PCDHGB1: variants seen among roughly 807,000 people sequenced by gnomAD.
The protein encoded by PCDHGB1 is protocadherin gamma-B1.
In PCDHGB1, 34 loss-of-function variants were observed where a neutral mutation model predicts 56.6. That is an observed-to-expected ratio of 0.60 (90% CI 0.46 to 0.80). PCDHGB1 has a LOEUF of 0.80. Ranked by LOEUF, PCDHGB1 falls within the 30% of genes least tolerant of loss-of-function variation. PCDHGB1 has a pLI of 0.00. For synonymous variants in PCDHGB1, 561 were observed against 505.9 expected (o/e 1.11, Z -1.46); for missense variants, 1,278 against 1,204.6 (o/e 1.06, Z -0.90).
rs765818637 is a variant in PCDHGB1 at position 141,409,918 on chromosome 5, C to T, written c.2409+57249C>T. ...ACCCAGCTCTGGGTCCTGACGGCTC[C>T]GCGTTCTTCGATATGGTACCTCGCT... On this transcript the variant is annotated intron_variant, in intron 1 of 3. Coordinates refer to ENST00000523390, the MANE Select transcript of PCDHGB1 (RefSeq NM_018922.3). 1.9e-6 allele frequency: 3 copies of T among 1,613,222 alleles called. No individual in the cohort carries two copies. In the African/African-American group the frequency reaches 4.0e-5, roughly 22 times the overall value.
At chr5:141,397,267 A>G (rs1411112086) in intron 1 of PCDHGB1, among the ~76,000 whole-genome samples, 1 of 152,230 alleles carries the variant, frequency 6.6e-6, no homozygotes, top group East Asian at 1.9e-4. Flanking sequence ...TCTTAGCTAC[A>G]TCATATGGGC....
intron 1 of PCDHGB1, chr5:141,423,971 G>T: frequency 8.8e-7 from 1 of 1,136,014 alleles, no homozygotes; most frequent in Non-Finnish European, 1.1e-6. Context: ...TCTATTATCA[G>T]TGTATGAGGC....
At chr5:141,419,586 A>T (rs1440548961) in intron 1 of PCDHGB1, 1 of 1,611,696 alleles carries the variant, frequency 6.2e-7, no homozygotes, top group Non-Finnish European at 8.5e-7. Context: ...GCGCTCTTCG[A>T]CACAGTGCCG....
chr5:141,450,280 T>C (rs1374970772), intron 1 of PCDHGB1, among the ~76,000 whole-genome samples: 2 of 152,166 alleles, frequency 1.3e-5, no homozygotes, highest in African/African-American at 4.8e-5. Context: ...AGCTAAGTGC[T>C]GGGATTACAG....
At chr5:141,403,365 T>C in intron 1 of PCDHGB1, 1 of 1,614,024 alleles carries the variant, frequency 6.2e-7, no homozygotes, top group Non-Finnish European at 8.5e-7. Flanking sequence ...GCCGAAAGTC[T>C]GGAAGTAAAA....
rs774071540 is a variant in PCDHGB1, at chr5:141,511,042, G to A, written c.2653G>A (p.Asp885Asn). 8 of 1,614,064 alleles carry A rather than the reference G, an allele frequency of 5.0e-6. No homozygotes were observed. Among genetic ancestry groups the A allele is most frequent in the Non-Finnish European group, 6.8e-6 (8 of 1,180,016 alleles). Residue 885 changes from aspartate to asparagine, a missense_variant, in exon 4 of 4, where the codon GAC becomes AAC. Physicochemically the swap from Asp to Asn is conservative, Grantham distance 23. Coordinates refer to ENST00000523390, the MANE Select transcript of PCDHGB1 (RefSeq NM_018922.3). Reference sequence around the variant, plus strand: ...CCAGTTCACCCTGCAGCACGTGCCCGACTACCGCCAGAATGTCTACATCCC... The same window carrying A: ...CCAGTTCACCCTGCAGCACGTGCCCAACTACCGCCAGAATGTCTACATCCC... ...GPQFTLQHVPDYRQNVYIPGS... is the reference protein window; with the variant it reads ...GPQFTLQHVPNYRQNVYIPGS...
chr5:141,420,147 C>T lies in PCDHGB1; in HGVS notation c.2409+67478C>T, dbSNP rs1480828845. On this transcript the variant is annotated intron_variant, in intron 1 of 3. Transcript: ENST00000523390. Reference sequence around the variant, plus strand: ...TGTGTGCCTGGGGATCAAATGAATCCAGAATTTAATTTTTTCACATCTGTT... The same window carrying T: ...TGTGTGCCTGGGGATCAAATGAATCTAGAATTTAATTTTTTCACATCTGTT... The T allele has an allele frequency of 2.5e-6, 4 of 1,613,848 alleles. No individual in the cohort carries two copies. The East Asian group carries it at 8.9e-5, about 36-fold the overall frequency.
intron 1 of PCDHGB1, chr5:141,421,426 A>T: frequency 1.2e-6 from 2 of 1,614,104 alleles, no homozygotes; most frequent in Non-Finnish European, 8.5e-7. Flanking sequence ...CGGAGTCCGC[A>T]TCGTCTCCAG....
intron 1 of PCDHGB1, chr5:141,416,685 A>T (rs1292141199): frequency 1.3e-5 from 2 of 152,384 alleles, no homozygotes; most frequent in East Asian, 3.9e-4. Flanking sequence ...AAGGGAAATT[A>T]TATAAACAAA....
intron 1 of PCDHGB1, chr5:141,428,456 A>G (rs538022786): frequency 1.4e-5 from 5 of 358,650 alleles, no homozygotes; most frequent in South Asian, 1.1e-4. Context: ...TTTCCCAACT[A>G]CAATGAGGGA....
At chr5:141,361,631 G>T (rs534427524) in intron 1 of PCDHGB1, 1 of 1,613,902 alleles carries the variant, frequency 6.2e-7, no homozygotes, top group Non-Finnish European at 8.5e-7. Context: ...CTGAAGCCGC[G>T]GGAGATTTTA....
rs1246027327 is a variant in PCDHGB1, at chr5:141,491,976, C to A, written c.2410-2831C>A. On this transcript the variant is annotated intron_variant, in intron 1 of 3. Transcript: ENST00000523390. This position sits in a 1 kb window ranked among gnomAD's most constrained non-coding sequence, Gnocchi z 6.9. ...ACTCAAAAAAGGCCGGGGCCTCCTT[C>A]GAGCTTCCGGTGAATTTCGGGCGAT... 3 of 800,708 alleles carry A rather than the reference C, an allele frequency of 3.7e-6. No individual in the cohort carries two copies. The Admixed American group carries it at 1.1e-4, about 30-fold the overall frequency. 49.6% of individuals were successfully genotyped at this position (800,708 alleles called of 1,614,324 possible).
At chr5:141,405,277 T>C (rs770051288) in intron 1 of PCDHGB1, 5 of 1,614,196 alleles carry the variant, frequency 3.1e-6, no homozygotes, top group Non-Finnish European at 4.2e-6. Context: ...AGCCCAACTA[T>C]GCAGACACAC....
At chr5:141,389,691 T>A in intron 1 of PCDHGB1, 1 of 1,612,564 alleles carries the variant, frequency 6.2e-7, no homozygotes, top group Non-Finnish European at 8.5e-7. Flanking sequence ...CGCCTGGCTG[T>A]CCTACCACGT....
chr5:141,412,209 T>G (rs917646798), intron 1 of PCDHGB1: 2 of 152,248 alleles, frequency 1.3e-5, no homozygotes. Flanking sequence ...TCATTTGACA[T>G]AAACACTTAC....
At chr5:141,362,573 T>G (rs754606560) in intron 1 of PCDHGB1, 21 of 1,605,662 alleles carry the variant, frequency 1.3e-5, no homozygotes, top group Non-Finnish European at 1.7e-5. Context: ...TTTAATTAAT[T>G]TATTTTCACT....
rs138070043 is a variant in PCDHGB1, at chr5:141,512,950, AAAT to A, written c.*1783_*1785del. 5,271 of 152,332 alleles carry A rather than the reference AAAT, an allele frequency of 0.035. 119 individuals carry two copies. The highest frequency in any genetic ancestry group is 0.075 in the South Asian group (360 of 4,826). The allele number at this position is 152,332 out of a possible 1,614,324, so 9.4% of individuals were successfully genotyped here. On this transcript the variant is annotated 3_prime_UTR_variant, in exon 4 of 4. Coordinates refer to ENST00000523390, the MANE Select transcript of PCDHGB1 (RefSeq NM_018922.3). ...ATATGGCTTTTTTTCTTCGACAAAA[AAAT>A]AATAAAACGTTTCTTCTGAAAAGCT...
In PCDHGB1 at chr5:141,511,364, T is replaced by C. The variant is rs115159796; in HGVS notation, c.*191T>C. The C allele has an allele frequency of 4.6e-4, 610 of 1,317,098 alleles. 5 individuals are homozygous for C. In the African/African-American group the frequency reaches 7.1e-3, roughly 15 times the overall value. The allele number at this position is 1,317,098 out of a possible 1,614,324, so 81.6% of individuals were successfully genotyped here. On this transcript the variant is annotated 3_prime_UTR_variant, in exon 4 of 4. Coordinates refer to ENST00000523390, the MANE Select transcript of PCDHGB1 (RefSeq NM_018922.3). ...ACCCCTTCCCCCCCAGGGGGTTGAA[T>C]ATGCAAAAGCAGTTCCGCTGGGAAC...
Position 141,350,196 on chromosome 5 carries a change from A to G in PCDHGB1, c.-65A>G, listed in dbSNP as rs1019506208. On this transcript the variant is annotated 5_prime_UTR_variant, in exon 1 of 4. Transcript: ENST00000523390. ...TCCTAAGCTCAAATCACAGAAGTCC[A>G]GGGTGCTGCCATTTCTTTTTGAAAA... 5.4e-5 allele frequency: 76 copies of G among 1,414,712 alleles called. 1 individual carries two copies. Among genetic ancestry groups the G allele is most frequent in the Non-Finnish European group, 7.0e-5 (75 of 1,064,100 alleles). 87.6% of individuals were successfully genotyped at this position (1,414,712 alleles called of 1,614,324 possible).
Sources: allele counts gnomAD v4.1 joint callset (sites outside exome capture counted in the v4.1 genomes callset), GRCh38; gene constraint gnomAD v4.1.1; non-coding constraint Gnocchi (gnomAD v3.1); transcripts MANE v1.5; gene names NCBI Gene and HGNC (gene_info 2026-07-23, HGNC 2026-07-21).